Variants in TCAIM observed in about 807,000 individuals in gnomAD.
TCAIM encodes the protein T cell activation inhibitor, mitochondrial.
TCAIM carries 36 observed loss-of-function variants against 58.6 expected under a neutral mutation model. That is an observed-to-expected ratio of 0.61 (90% CI 0.47 to 0.81). TCAIM has a LOEUF of 0.81. Ranked by LOEUF, TCAIM falls within the 30% of genes least tolerant of loss-of-function variation. TCAIM has a pLI of 0.00. For synonymous variants in TCAIM, 172 were observed against 193.6 expected (o/e 0.89, Z 0.93); for missense variants, 466 against 579.6 (o/e 0.80, Z 2.01).
chr3:44,366,843 A>G (rs1701386024), intron 4 of TCAIM, among the ~76,000 whole-genome samples: 1 of 151,862 alleles, frequency 6.6e-6, no homozygotes, highest in Non-Finnish European at 1.5e-5. Flanking sequence ...TTCATAATCC[A>G]CCCACCTTGG....
chr3:44,387,694 C>T (rs1236606255), intron 5 of TCAIM, among the ~76,000 whole-genome samples: 4 of 152,180 alleles, frequency 2.6e-5, no homozygotes, highest in Non-Finnish European at 4.4e-5. Flanking sequence ...GGATCTGGGC[C>T]GGTAGTGTGA....
chr3:44,399,325 G>C (rs1359947113), intron 8 of TCAIM, among the ~76,000 whole-genome samples: 1 of 152,136 alleles, frequency 6.6e-6, no homozygotes, highest in African/African-American at 2.4e-5. Flanking sequence ...ATATATACAT[G>C]AGTAACCCAT....
chr3:44,366,931 T>C (rs1462112524), intron 4 of TCAIM, among the ~76,000 whole-genome samples: 1 of 152,192 alleles, frequency 6.6e-6, no homozygotes, highest in East Asian at 1.9e-4. Flanking sequence ...AATATTGGGT[T>C]ACTACCTAGT....
chr3:44,369,661 G>T (rs1049243961), intron 5 of TCAIM, among the ~76,000 whole-genome samples: 2 of 152,118 alleles, frequency 1.3e-5, no homozygotes, highest in Non-Finnish European at 2.9e-5. Flanking sequence ...TTATTTGTAT[G>T]TCATTTATCC....
intron 8 of TCAIM, among the ~76,000 whole-genome samples, chr3:44,398,235 C>T (rs1013305531): frequency 1.3e-5 from 2 of 151,780 alleles, no homozygotes; most frequent in African/African-American, 4.8e-5. Flanking sequence ...ACCAGCCTGG[C>T]AAACACAGTA....
intron 1 of TCAIM, among the ~76,000 whole-genome samples, chr3:44,353,842 G>A (rs887757717): frequency 1.3e-5 from 2 of 152,130 alleles, no homozygotes; most frequent in African/African-American, 4.8e-5. Flanking sequence ...TATCAGATGT[G>A]TCTTTTGGAA....
Position 44,357,863 on chromosome 3 carries a change from A to G in TCAIM, c.152A>G (p.His51Arg), listed in dbSNP as rs967020648. The G allele has an allele frequency of 6.2e-7, 1 of 1,613,814 alleles. No homozygotes were observed. Among genetic ancestry groups the G allele is most frequent in the African/African-American group, 1.3e-5 (1 of 74,916 alleles). Reference protein sequence around the residue: ...FAVHPDFFGQHPVEREINENS... With the variant: ...FAVHPDFFGQRPVEREINENS... ...GTACATCCAGATTTCTTTGGACAGC[A>G]CCCCGTAGAAAGGGTAAACATTTAT... The change falls in exon 3 of 11, where the codon CAC becomes CGC. Residue 51 changes from histidine to arginine, a missense_variant. His to Arg is a conservative substitution (Grantham distance 29, BLOSUM62 0). Transcript: ENST00000342649.
intron 6 of TCAIM, 110 bp downstream of exon 6, chr3:44,393,087 G>C (rs1427593559): frequency 1.5e-4 from 127 of 860,950 alleles, no homozygotes. Flanking sequence ...TGATAACTGA[G>C]TACTCTTCAA....
At chr3:44,391,597 T>C (rs1384128374) in intron 5 of TCAIM, among the ~76,000 whole-genome samples, 1 of 152,168 alleles carries the variant, frequency 6.6e-6, no homozygotes, top group Non-Finnish European at 1.5e-5. Flanking sequence ...AGAGTTGATA[T>C]AGTTGAGATG....
At chr3:44,339,979 G>C (rs1700823139) in intron 1 of TCAIM, 1 of 152,234 alleles carries the variant, frequency 6.6e-6, no homozygotes, top group African/African-American at 2.4e-5. Context: ...AGTGTGATAA[G>C]ACAGTGCAAC....
intron 5 of TCAIM, among the ~76,000 whole-genome samples, chr3:44,374,594 A>C (rs1575259417): frequency 6.6e-6 from 1 of 151,984 alleles, no homozygotes; most frequent in East Asian, 1.9e-4. Flanking sequence ...TGTCTGTAGA[A>C]AAATAAAAAT....
intron 10 of TCAIM, among the ~76,000 whole-genome samples, chr3:44,406,324 T>C (rs1206274062): frequency 6.6e-6 from 1 of 152,212 alleles, no homozygotes; most frequent in African/African-American, 2.4e-5. Context: ...AAGTGAAAAA[T>C]CCCTTTACAG....
chr3:44,372,041 G>GGAAA (rs1559571008), intron 5 of TCAIM, among the ~76,000 whole-genome samples: 2 of 147,082 alleles, frequency 1.4e-5, no homozygotes, highest in African/African-American at 5.1e-5. Context: ...AAGGAAGGAA[G>GGAAA]GAAGGAAGGA....
chr3:44,399,247 A>G (rs1701986065), intron 8 of TCAIM, among the ~76,000 whole-genome samples: 2 of 152,240 alleles, frequency 1.3e-5, no homozygotes, highest in South Asian at 4.1e-4. Context: ...TATAAGATGT[A>G]CTATTAAGTG....
At chr3:44,366,605 C>T (rs1175969417) in intron 4 of TCAIM, among the ~76,000 whole-genome samples, 21 of 149,436 alleles carry the variant, frequency 1.4e-4, no homozygotes, top group African/African-American at 4.2e-4. Context: ...GGACTACAGG[C>T]GCCCGCCACC....
At chr3:44,389,934 T>C (rs890298803) in intron 5 of TCAIM, among the ~76,000 whole-genome samples, 12 of 152,200 alleles carry the variant, frequency 7.9e-5, no homozygotes. Context: ...CTTTATGCAC[T>C]AATATGATTG....
chr3:44,354,888 G>C, intron 2 of TCAIM, 77 bp downstream of exon 2: 1 of 1,504,422 alleles, frequency 6.6e-7, no homozygotes, highest in Non-Finnish European at 9.0e-7. Flanking sequence ...ATTTCAGTTT[G>C]TTATTATTTT....
chr3:44,359,091 A>G (rs989591080), intron 3 of TCAIM: 2 of 982,044 alleles, frequency 2.0e-6, no homozygotes, highest in Non-Finnish European at 2.4e-6. Context: ...TTTTTTAATT[A>G]AGACTTCTGT....
intron 1 of TCAIM, among the ~76,000 whole-genome samples, chr3:44,343,188 A>G (rs542887237): frequency 6.6e-6 from 1 of 152,032 alleles, no homozygotes; most frequent in Non-Finnish European, 1.5e-5. Context: ...TTTCTTAACC[A>G]TCTATGTTAT....
Sources: allele counts gnomAD v4.1 joint callset (sites outside exome capture counted in the v4.1 genomes callset), GRCh38; gene constraint gnomAD v4.1.1; transcripts MANE v1.5; gene names NCBI Gene and HGNC (gene_info 2026-07-23, HGNC 2026-07-21).